The following TTLL11 variants were observed in gnomAD, a reference collection of about 807,000 sequenced individuals.
TTLL11 encodes tubulin tyrosine ligase like 11.
A neutral mutation model predicts 51.7 loss-of-function variants in TTLL11; 42 were observed. The ratio of observed to expected loss-of-function variants is 0.81; its 90% CI spans 0.64 to 1.05. TTLL11 has a LOEUF of 1.05. Among genes scored for constraint, TTLL11 ranks in the 50% least tolerant of loss-of-function variants. TTLL11 has a pLI of 0.00. For missense variants in TTLL11, 799 were observed against 940.4 expected, an observed-to-expected ratio of 0.85 and a Z score of 1.97; for synonymous variants, 381 against 383.5, an observed-to-expected ratio of 0.99 and a Z score of 0.08.
chr9:121,975,068 C>T (rs1381360025), intron 4 of TTLL11, 89 bp from the exon 5 acceptor site: 5 of 1,011,928 alleles, frequency 4.9e-6, no homozygotes, highest in African/African-American at 1.7e-5. Flanking sequence ...AAACTCAGTC[C>T]CCAACCTTGG....
chr9:121,994,479 A>G (rs1029696169), intron 3 of TTLL11, among the ~76,000 whole-genome samples: 9 of 152,182 alleles, frequency 5.9e-5, no homozygotes, highest in African/African-American at 1.9e-4. Flanking sequence ...CCTCACAACA[A>G]TCCTATTTTA....
chr9:121,927,690 T>G (rs954949043), intron 6 of TTLL11, among the ~76,000 whole-genome samples: 2 of 151,432 alleles, frequency 1.3e-5, no homozygotes, highest in African/African-American at 4.9e-5. Flanking sequence ...GGGATATCAT[T>G]CTGGCCAGGA....
Position 121,984,376 on chromosome 9 carries a change from C to A in TTLL11, c.1269+4819G>T, listed in dbSNP as rs1050011394. On this transcript the variant is annotated intron_variant, in intron 4 of 8. Coordinates refer to ENST00000321582, the MANE Select transcript of TTLL11 (RefSeq NM_001139442.2). ...AAAAACTGTCATTTATTAAGTGATTCCTATGTGTTAGGTGCTGTGCTAAAT... is the reference window on the plus strand; with the variant it reads ...AAAAACTGTCATTTATTAAGTGATTACTATGTGTTAGGTGCTGTGCTAAAT... Among the ~76,000 whole-genome samples the A allele has an allele frequency of 5.3e-5, 8 of 152,116 alleles. No homozygotes were observed. In the Middle Eastern group the frequency reaches 0.013, roughly 241 times the overall value.
Position 121,854,673 on chromosome 9 carries a change from C to T in TTLL11, c.1840+5664G>A, listed in dbSNP as rs76436736. 4.7e-3 allele frequency among the ~76,000 whole-genome samples: 715 copies of T among 152,290 alleles called. 7 individuals are homozygous for T. The highest frequency in any genetic ancestry group is 0.016 in the African/African-American group (655 of 41,564). ...AATTGCCTAATCTTGATGCTGTCCTCATCTCTTACCACGGAGATGTGAAAT... is the reference window on the plus strand; with the variant it reads ...AATTGCCTAATCTTGATGCTGTCCTTATCTCTTACCACGGAGATGTGAAAT... On this transcript the variant is annotated intron_variant, in intron 8 of 8. Transcript: ENST00000321582.
intron 6 of TTLL11, among the ~76,000 whole-genome samples, chr9:121,923,806 A>G (rs13296687): frequency 2.6e-5 from 4 of 152,164 alleles, no homozygotes; most frequent in Non-Finnish European, 5.9e-5. Context: ...CTCAACTGAA[A>G]GAATTCATTT....
intron 4 of TTLL11, among the ~76,000 whole-genome samples, chr9:121,979,929 C>T (rs1842792816): frequency 6.6e-6 from 1 of 151,624 alleles, no homozygotes; most frequent in African/African-American, 2.4e-5. Context: ...TGCTCTCTGC[C>T]TTCATACTTT....
chr9:121,910,438 C>T (rs918111948), intron 6 of TTLL11, among the ~76,000 whole-genome samples: 25 of 152,354 alleles, frequency 1.6e-4, no homozygotes, highest in Admixed American at 1.0e-3. Context: ...GAGAAAATGT[C>T]CCCGTATTTT....
chr9:121,950,293 T>C (rs969340411), intron 6 of TTLL11, among the ~76,000 whole-genome samples: 4 of 152,312 alleles, frequency 2.6e-5, no homozygotes, highest in African/African-American at 7.2e-5. Flanking sequence ...GGCCGTGGGC[T>C]GGTCTGTAAC....
intron 1 of TTLL11, among the ~76,000 whole-genome samples, chr9:122,060,443 A>G (rs4590510): frequency 0.027 from 4,070 of 152,350 alleles, 173 homozygotes; most frequent in African/African-American, 0.093. Flanking sequence ...GAAGTTACAT[A>G]GCCTGCTCCC....
intron 6 of TTLL11, among the ~76,000 whole-genome samples, chr9:121,887,474 G>T (rs957745379): frequency 6.6e-6 from 1 of 152,210 alleles, no homozygotes; most frequent in Non-Finnish European, 1.5e-5. Context: ...CACGTTAATC[G>T]ACTTGGGTTG....
In TTLL11 at chr9:121,822,712, C is replaced by T; in HGVS notation, c.2008G>A (p.Gly670Ser). 1 of 1,550,498 alleles carries T rather than the reference C, an allele frequency of 6.4e-7. No individual in the cohort carries two copies. Among genetic ancestry groups the T allele is most frequent in the Non-Finnish European group, 8.7e-7 (1 of 1,146,820 alleles). The change falls in exon 9 of 9, where the codon GGC (glycine) becomes AGC (serine). Residue 670 changes from glycine to serine, a missense_variant. Physicochemically the swap from Gly to Ser is moderately conservative, Grantham distance 56 (BLOSUM62 0). Transcript: ENST00000321582. This position sits in a 1 kb window ranked among gnomAD's most constrained non-coding sequence, Gnocchi z 5.8. ...LVCGRGVPSG[G>S]RPPHRGPPQE... ...GGAGGGCCACGGTGTGGGGGCCGGC[C>T]CCCCGACGGGACGCCCCGGCCACAC... is the stretch of plus-strand genomic sequence containing the variant.
chr9:122,025,288 T>C (rs1844297375), intron 3 of TTLL11, among the ~76,000 whole-genome samples: 1 of 152,100 alleles, frequency 6.6e-6, no homozygotes, highest in East Asian at 1.9e-4. Context: ...TGATGACAGG[T>C]CACTACATAC....
rs760569331 is a variant in TTLL11, at chr9:122,092,983, C to T, written c.166G>A (p.Gly56Arg). Residue 56 changes from glycine (G) to arginine (R), a missense_variant, in exon 1 of 9, where the codon GGG (glycine) becomes AGG (arginine). Physicochemically the swap from Gly to Arg is moderately radical, Grantham distance 125. This residue lies in a region of TTLL11 where 166 missense variants were observed against 161.6 expected (regional missense o/e 1.03). Transcript: ENST00000321582. Reference sequence around the variant, plus strand: ...GCCAGGACCTTGGGCTGCTCCTCCCCTGCCTTGCACTCCGGTTCCCCGGCC... The same window carrying T: ...GCCAGGACCTTGGGCTGCTCCTCCCTTGCCTTGCACTCCGGTTCCCCGGCC... ...GAAGEPECKA[G>R]EEQPKVLAPA... 3.2e-6 allele frequency: 5 copies of T among 1,563,582 alleles called. No homozygotes were observed. The highest frequency in any genetic ancestry group is 3.8e-4 in the Middle Eastern group (2 of 5,304).
chr9:121,910,637 A>G lies in TTLL11; in HGVS notation c.1482-39889T>C, dbSNP rs1840082452. Among the ~76,000 whole-genome samples the G allele has an allele frequency of 3.3e-5, 5 of 152,292 alleles. No homozygotes were observed. In the South Asian group the frequency reaches 1.0e-3, roughly 32 times the overall value. On this transcript the variant is annotated intron_variant, in intron 6 of 8. Coordinates refer to ENST00000321582, the MANE Select transcript of TTLL11 (RefSeq NM_001139442.2). ...GATGTGGGTTTGTAGGGAAAGTGAC[A>G]TTCGAGCTGTCAAGACAATCGAAAA...
chr9:122,065,045 T>C (rs1014759445), intron 1 of TTLL11, among the ~76,000 whole-genome samples: 4 of 152,114 alleles, frequency 2.6e-5, no homozygotes, highest in African/African-American at 9.7e-5. Flanking sequence ...ACTCAGTGTC[T>C]CCCAAACTAG....
At chr9:121,887,549 C>T (rs1839056270) in intron 6 of TTLL11, among the ~76,000 whole-genome samples, 1 of 152,210 alleles carries the variant, frequency 6.6e-6, no homozygotes, top group African/African-American at 2.4e-5. Context: ...AGGATCTCAG[C>T]TCAGCTCTGC....
At chr9:122,066,559 A>G (rs1487669500) in intron 1 of TTLL11, among the ~76,000 whole-genome samples, 2 of 152,198 alleles carry the variant, frequency 1.3e-5, no homozygotes, top group Non-Finnish European at 2.9e-5. Context: ...AGGACTAAGC[A>G]TGCTAAAAAC....
At chr9:121,970,880 C>T (rs184419148) in intron 6 of TTLL11, among the ~76,000 whole-genome samples, 1,974 of 152,156 alleles carry the variant, frequency 0.013, 47 homozygotes, top group African/African-American at 0.046. Context: ...AATCTTTCTA[C>T]TATAAAGACA....
chr9:121,876,902 C>T (rs549057416), intron 6 of TTLL11, among the ~76,000 whole-genome samples: 1 of 152,284 alleles, frequency 6.6e-6, no homozygotes, highest in Non-Finnish European at 1.5e-5. Flanking sequence ...CTGATACGGG[C>T]TAAGGTCTAA....
Sources: allele counts gnomAD v4.1 joint callset (sites outside exome capture counted in the v4.1 genomes callset), GRCh38; gene constraint gnomAD v4.1.1; regional missense constraint gnomAD v4.1.1; non-coding constraint Gnocchi (gnomAD v3.1); transcripts MANE v1.5; gene names NCBI Gene and HGNC (gene_info 2026-07-23, HGNC 2026-07-21).